RNF150: variants seen among roughly 807,000 people sequenced by gnomAD.
RNF150 encodes ring finger protein 150.
Under a neutral mutation model 39.3 loss-of-function variants are expected in RNF150, and 24 were observed. The observed-to-expected ratio is 0.61, with a 90% confidence interval of 0.44 to 0.86. RNF150 has a LOEUF of 0.86. RNF150 is among the 40% of genes least tolerant of loss of function. The pLI is 0.00. For missense variants in RNF150, 502 were observed against 587.8 expected, an observed-to-expected ratio of 0.85 and a Z score of 1.51; for synonymous variants, 255 against 227.3, an observed-to-expected ratio of 1.12 and a Z score of -1.10.
At chr4:141,150,460 T>C (rs1727277732) in intron 1 of RNF150, among the ~76,000 whole-genome samples, 1 of 152,186 alleles carries the variant, frequency 6.6e-6, no homozygotes, top group African/African-American at 2.4e-5. Flanking sequence ...TTGTAATAGC[T>C]TCCTACTTGG....
intron 1 of RNF150, among the ~76,000 whole-genome samples, chr4:141,050,607 CA>C (rs1315771699): frequency 6.6e-6 from 1 of 152,160 alleles, no homozygotes. Context: ...TGAAATCCAG[CA>C]GGGCAGTTGA....
rs780319030 is a variant in RNF150, at chr4:141,043,522, C to T, written c.485-75649G>A. Reference sequence around the variant, plus strand: ...TCACAAGTGAGTTTTAACATCTTGTCGAGAGAAGTTCTATATAGGGAGACT... The same window carrying T: ...TCACAAGTGAGTTTTAACATCTTGTTGAGAGAAGTTCTATATAGGGAGACT... On this transcript the variant is annotated intron_variant, in intron 1 of 6. Coordinates refer to ENST00000515673, the MANE Select transcript of RNF150 (RefSeq NM_020724.2). Among the ~76,000 whole-genome samples the T allele has an allele frequency of 3.3e-5, 5 of 152,080 alleles. No homozygotes were observed. The South Asian group carries it at 6.2e-4, about 19-fold the overall frequency.
intron 1 of RNF150, among the ~76,000 whole-genome samples, chr4:141,103,198 T>C (rs1335776608): frequency 2.6e-5 from 4 of 152,204 alleles, no homozygotes; most frequent in Admixed American, 2.0e-4. Flanking sequence ...TATGAACCCA[T>C]AGCCCTTGGC....
chr4:140,964,411 C>T (rs2111414050), intron 2 of RNF150, among the ~76,000 whole-genome samples: 1 of 151,922 alleles, frequency 6.6e-6, no homozygotes, highest in South Asian at 2.1e-4. Flanking sequence ...AACATGCCTG[C>T]AGCATATAAT....
chr4:140,917,566 C>T (rs1466026855), intron 5 of RNF150, among the ~76,000 whole-genome samples: 1 of 152,274 alleles, frequency 6.6e-6, no homozygotes, highest in East Asian at 1.9e-4. Context: ...TACAAAGAGA[C>T]TTAGACTCCC....
intron 1 of RNF150, among the ~76,000 whole-genome samples, chr4:141,066,307 A>G (rs1737459090): frequency 6.6e-6 from 1 of 152,106 alleles, no homozygotes; most frequent in South Asian, 2.1e-4. Flanking sequence ...TGAGAAGCAT[A>G]TATCTCCATC....
intron 6 of RNF150, among the ~76,000 whole-genome samples, chr4:140,868,749 A>G (rs1361130096): frequency 2.6e-5 from 4 of 152,202 alleles, no homozygotes; most frequent in African/African-American, 9.6e-5. Context: ...ATCAAAAGGC[A>G]TATCAAACTC....
chr4:141,108,801 A>C (rs1463725977), intron 1 of RNF150, among the ~76,000 whole-genome samples: 3 of 152,232 alleles, frequency 2.0e-5, no homozygotes, highest in African/African-American at 7.2e-5. Context: ...AACATCAATA[A>C]GAGACTTTAT....
At chr4:141,014,636 CT>C (rs1735197540) in intron 1 of RNF150, among the ~76,000 whole-genome samples, 1 of 151,526 alleles carries the variant, frequency 6.6e-6, no homozygotes, top group Non-Finnish European at 1.5e-5. Context: ...ATTTGCAACT[CT>C]TCTTTTGAGA....
Position 141,133,389 on chromosome 4 carries a change from T to C in RNF150, c.-581A>G. ...CGGTGGCTGCGCCTGGGCACGCACT[T>C]GCCGCGGGCGGGGCGGGCTTGGGGA... On this transcript the variant is annotated 5_prime_UTR_variant, in exon 1 of 7. Coordinates refer to ENST00000515673, the MANE Select transcript of RNF150 (RefSeq NM_020724.2). 6.1e-6 allele frequency: 1 copy of C among 165,068 alleles called. No homozygotes were observed. Among genetic ancestry groups the C allele is most frequent in the Non-Finnish European group, 1.3e-5 (1 of 77,892 alleles). The allele number at this position is 165,068 out of a possible 1,614,324, so 10.2% of individuals were successfully genotyped here.
intron 5 of RNF150, among the ~76,000 whole-genome samples, chr4:140,918,395 A>G (rs1730941685): frequency 6.6e-6 from 1 of 152,256 alleles, no homozygotes; most frequent in African/African-American, 2.4e-5. Context: ...ATCAGAGAAT[A>G]GTACAAACAC....
At chr4:140,925,219 C>T (rs1731344253) in intron 5 of RNF150, among the ~76,000 whole-genome samples, 1 of 152,302 alleles carries the variant, frequency 6.6e-6, no homozygotes, top group Admixed American at 6.5e-5. Flanking sequence ...GCTTCCTGCC[C>T]TCATTGCTGA....
intron 1 of RNF150, among the ~76,000 whole-genome samples, chr4:141,157,327 T>A (rs563600145): frequency 1.3e-5 from 2 of 152,274 alleles, no homozygotes; most frequent in East Asian, 3.9e-4. Context: ...AGATGTCAGA[T>A]CCCTTTGGCC....
At position 140,861,038 on chromosome 4, in the gene RNF150, T is replaced by C. The variant is rs957442220; in HGVS notation, c.*7223A>G. The C allele has an allele frequency of 2.0e-5, 3 of 152,006 alleles. No individual in the cohort carries two copies. The highest frequency in any genetic ancestry group is 7.2e-5 in the African/African-American group (3 of 41,408). 9.4% of individuals were successfully genotyped at this position (152,006 alleles called of 1,614,324 possible). The stretch of plus-strand genomic sequence containing the variant: ...TGTAAGGGACACCCCTCTATAAAAA[T>C]AACAGTCCCTCCCCACTCCCACCCC... On this transcript the variant is annotated 3_prime_UTR_variant, in exon 7 of 7. Coordinates refer to ENST00000515673, the MANE Select transcript of RNF150 (RefSeq NM_020724.2).
intron 1 of RNF150, among the ~76,000 whole-genome samples, chr4:141,001,935 A>AT (rs1734681457): frequency 1.3e-5 from 2 of 151,984 alleles, no homozygotes; most frequent in African/African-American, 4.8e-5. Context: ...AAGCTCATAT[A>AT]TTTTTTCTTT....
chr4:141,097,338 C>G lies in RNF150; in HGVS notation c.484+34987G>C, dbSNP rs74599785. Among the ~76,000 whole-genome samples, 3 of 152,298 alleles carry G rather than the reference C, an allele frequency of 2.0e-5. No homozygotes were observed. In the East Asian group the frequency reaches 5.8e-4, roughly 29 times the overall value. ...CAGACAATTAATTTATTTCAGACTT[C>G]CAGCCATGCATTTTGCAAACTTTGC... On this transcript the variant is annotated intron_variant, in intron 1 of 6. Transcript: ENST00000515673.
At chr4:140,915,497 GA>G (rs778144358) in intron 5 of RNF150, among the ~76,000 whole-genome samples, 1 of 152,214 alleles carries the variant, frequency 6.6e-6, no homozygotes, top group Non-Finnish European at 1.5e-5. Context: ...GAGAAAAACA[GA>G]AAAGGCTTGG....
chr4:140,899,974 C>CTCTCTCTGTGTGTG (rs1365683071), intron 6 of RNF150, among the ~76,000 whole-genome samples: 8 of 69,222 alleles, frequency 1.2e-4, no homozygotes, highest in Admixed American at 2.8e-4. Context: ...CTCTCTCTCT[C>CTCTCTCTGTGTGTG]TGTGTGTGTG....
chr4:141,105,290 C>A, intron 1 of RNF150, among the ~76,000 whole-genome samples: 1 of 152,086 alleles, frequency 6.6e-6, no homozygotes, highest in East Asian at 1.9e-4. Context: ...AGAAAACTTC[C>A]CAAATTAGGG....
Sources: allele counts gnomAD v4.1 joint callset (sites outside exome capture counted in the v4.1 genomes callset), GRCh38; gene constraint gnomAD v4.1.1; transcripts MANE v1.5; gene names NCBI Gene and HGNC (gene_info 2026-07-23, HGNC 2026-07-21).